The following DCDC2 variants were observed in gnomAD, a reference collection of about 807,000 sequenced individuals.
The protein encoded by DCDC2 is doublecortin domain containing 2, also known as doublecortin domain-containing protein 2.
A neutral mutation model predicts 50.2 loss-of-function variants in DCDC2; 40 were observed. That is an observed-to-expected ratio of 0.80 (90% CI 0.62 to 1.04). The LOEUF (loss-of-function observed/expected upper bound fraction) is 1.04. DCDC2 is among the 50% of genes least tolerant of loss of function. DCDC2 has a pLI of 0.00. For missense variants in DCDC2, 570 were observed against 581.9 expected (o/e 0.98, Z 0.21); for synonymous variants, 234 against 210.6 (o/e 1.11, Z -0.96).
chr6:24,212,266 G>T (rs893314637), intron 7 of DCDC2, among the ~76,000 whole-genome samples: 1 of 152,088 alleles, frequency 6.6e-6, no homozygotes, highest in Non-Finnish European at 1.5e-5. Context: ...GTTGGGAAGC[G>T]TTCTTCTGGA....
chr6:24,250,057 T>C (rs1259560425), intron 7 of DCDC2, among the ~76,000 whole-genome samples: 1 of 152,100 alleles, frequency 6.6e-6, no homozygotes, highest in Admixed American at 6.6e-5. Flanking sequence ...GAGGTTTAAT[T>C]AGTAGGCTCA....
chr6:24,305,437 A>G (rs879440577), intron 2 of DCDC2, among the ~76,000 whole-genome samples: 1 of 152,244 alleles, frequency 6.6e-6, no homozygotes, highest in African/African-American at 2.4e-5. Context: ...TTGTAAAAGA[A>G]ACAAAAAGAT....
At chr6:24,382,465 G>GATT in the DCDC2 span, among the ~76,000 whole-genome samples, 7 of 152,046 alleles carry the variant, frequency 4.6e-5, no homozygotes, top group Non-Finnish European at 8.8e-5. Context: ...TCCCCCTAAA[G>GATT]AATTGAAGTC....
chr6:24,206,520 T>C (rs996882651), intron 7 of DCDC2, among the ~76,000 whole-genome samples: 1 of 152,236 alleles, frequency 6.6e-6, no homozygotes. Flanking sequence ...TTATGACCTA[T>C]GCACATGACT....
the DCDC2 span, among the ~76,000 whole-genome samples, chr6:24,374,503 C>G: frequency 7.5e-6 from 1 of 133,840 alleles, no homozygotes; most frequent in Non-Finnish European, 1.5e-5. Context: ...TTGCTTGAAC[C>G]TGGGAGGTGG....
intron 7 of DCDC2, among the ~76,000 whole-genome samples, chr6:24,222,522 T>C (rs1305755419): frequency 6.6e-6 from 1 of 152,198 alleles, no homozygotes; most frequent in Non-Finnish European, 1.5e-5. Context: ...ATATCAGAAA[T>C]CTCAGTGGAA....
chr6:24,381,927 AAAGAAAGAAAGAAAGAAG>A, the DCDC2 span, among the ~76,000 whole-genome samples: 1 of 137,660 alleles, frequency 7.3e-6, no homozygotes. Context: ...AGAGAAAGAG[AAAGAAAGAAAGAAAGAAG>A]AAGAAGGAAA....
chr6:24,200,673 C>T (rs1466473061), intron 8 of DCDC2, among the ~76,000 whole-genome samples: 1 of 152,114 alleles, frequency 6.6e-6, no homozygotes, highest in Non-Finnish European at 1.5e-5. Flanking sequence ...TGTAAACGGG[C>T]TAAACGCCCC....
At chr6:24,290,902 G>A (rs377595278) in intron 5 of DCDC2, 30 bp downstream of exon 5, 2 of 1,586,554 alleles carry the variant, frequency 1.3e-6, no homozygotes, top group Admixed American at 3.8e-5. Flanking sequence ...GGTAACTAAA[G>A]CATGAGGAGT....
At chr6:24,275,482 C>G (rs1190268479) in intron 7 of DCDC2, among the ~76,000 whole-genome samples, 2 of 152,020 alleles carry the variant, frequency 1.3e-5, no homozygotes, top group African/African-American at 4.8e-5. Flanking sequence ...TATGTTCTTT[C>G]TATCCAAATG....
At position 24,278,029 on chromosome 6, in the gene DCDC2, G is replaced by T. The variant is rs1561755211; in HGVS notation, c.922+20C>A. On this transcript the variant is annotated intron_variant, in intron 7 of 9. Transcript: ENST00000378454. ...AATTAAAATTGTATCACAGCCTTAA[G>T]ATAATAATAACACACTTACCACTAT... 1 of 1,579,496 alleles carries T rather than the reference G, an allele frequency of 6.3e-7. No homozygotes were observed. Among genetic ancestry groups the T allele is most frequent in the Non-Finnish European group, 8.7e-7 (1 of 1,154,982 alleles).
intron 8 of DCDC2, among the ~76,000 whole-genome samples, chr6:24,200,062 T>G (rs1761550890): frequency 6.6e-6 from 1 of 152,040 alleles, no homozygotes; most frequent in Admixed American, 6.5e-5. Flanking sequence ...ATAGGGAGAA[T>G]GAAACCAAGT....
chr6:24,218,363 G>A (rs1424532399), intron 7 of DCDC2, among the ~76,000 whole-genome samples: 1 of 152,194 alleles, frequency 6.6e-6, no homozygotes, highest in Non-Finnish European at 1.5e-5. Flanking sequence ...AACAGATATT[G>A]ATTGAGCATC....
chr6:24,315,288 C>T (rs1454575349), intron 2 of DCDC2, among the ~76,000 whole-genome samples: 6 of 151,846 alleles, frequency 4.0e-5, no homozygotes, highest in Non-Finnish European at 8.8e-5. Flanking sequence ...AAGTCGTCCA[C>T]ACCAGCCACC....
intron 8 of DCDC2, among the ~76,000 whole-genome samples, chr6:24,190,136 T>C (rs1761284778): frequency 6.6e-6 from 1 of 151,376 alleles, no homozygotes; most frequent in Middle Eastern, 3.2e-3. Context: ...AGGGTGGTTA[T>C]ATTCAGAGAC....
the DCDC2 span, among the ~76,000 whole-genome samples, chr6:24,364,121 C>T: frequency 1.3e-5 from 2 of 152,098 alleles, no homozygotes; most frequent in Non-Finnish European, 1.5e-5. Context: ...CCTTCCAACT[C>T]CCTCTATAGA....
chr6:24,280,663 A>C (rs982172057), intron 6 of DCDC2, among the ~76,000 whole-genome samples: 22 of 152,130 alleles, frequency 1.4e-4, no homozygotes, highest in African/African-American at 4.8e-4. Flanking sequence ...CAGCCTCCCA[A>C]GTAGCTGGGA....
chr6:24,231,648 C>T (rs1762338610), intron 7 of DCDC2, among the ~76,000 whole-genome samples: 1 of 151,866 alleles, frequency 6.6e-6, no homozygotes, highest in South Asian at 2.1e-4. Flanking sequence ...CTATCCTCTC[C>T]TCACTCAAAG....
chr6:24,301,970 G>C lies in DCDC2; in HGVS notation c.423C>G (p.Ile141Met), dbSNP rs201158565. ...AAGTATAAAGGGTTTCAACTTACAA[G>C]ATAGTGCACGGCTCCTGAAGCGGTT... is the stretch of plus-strand genomic sequence containing the variant. ...FRKPLQEPCTIFLIANGDLIN... is the reference protein window; with the variant it reads ...FRKPLQEPCTMFLIANGDLIN... Residue 141 changes from isoleucine to methionine, a missense_variant and splice_region_variant, in exon 3 of 10, where the codon ATC becomes ATG. Transcript: ENST00000378454. The C allele has an allele frequency of 6.2e-6, 10 of 1,613,882 alleles. No homozygotes were observed. The East Asian group carries it at 2.0e-4, about 32-fold the overall frequency.
Sources: gnomAD v4.1 joint callset for allele counts (sites outside exome capture counted in the v4.1 genomes callset) on GRCh38, gnomAD v4.1.1 for gene constraint, MANE v1.5 for transcripts, NCBI Gene and HGNC (gene_info 2026-07-23, HGNC 2026-07-21) for gene names.